KCNQ4: variants seen among roughly 807,000 people sequenced by gnomAD.
The protein encoded by KCNQ4 is potassium voltage-gated channel subfamily Q member 4.
A neutral mutation model predicts 72.6 loss-of-function variants in KCNQ4; 31 were observed. The ratio of observed to expected loss-of-function variants is 0.43; its 90% CI spans 0.32 to 0.58. The LOEUF (loss-of-function observed/expected upper bound fraction) is 0.58, where lower values mean the gene tolerates loss of function less well. KCNQ4 is among the 20% of genes least tolerant of loss of function. The pLI is 0.08. For missense variants in KCNQ4, 869 were observed against 962.6 expected, an observed-to-expected ratio of 0.90 and a Z score of 1.29; for synonymous variants, 405 against 403.7, an observed-to-expected ratio of 1.00 and a Z score of -0.04.
At chr1:40,789,171 G>A (rs1009094771) in intron 1 of KCNQ4, among the ~76,000 whole-genome samples, 3 of 152,136 alleles carry the variant, frequency 2.0e-5, no homozygotes, top group African/African-American at 2.4e-5. Context: ...GGCTGGCCTC[G>A]TAGAACTTCG....
intron 9 of KCNQ4, among the ~76,000 whole-genome samples, chr1:40,829,548 C>T (rs1570845071): frequency 6.6e-6 from 1 of 152,164 alleles, no homozygotes; most frequent in East Asian, 1.9e-4. Context: ...TCCCTCACTT[C>T]AGCACCTTGG....
intron 9 of KCNQ4, among the ~76,000 whole-genome samples, chr1:40,829,951 G>A (rs2148328768): frequency 6.6e-6 from 1 of 152,334 alleles, no homozygotes; most frequent in Admixed American, 6.5e-5. Context: ...GGTTAACCAG[G>A]GCTTGTCCTG....
intron 9 of KCNQ4, among the ~76,000 whole-genome samples, chr1:40,829,391 G>A (rs573914755): frequency 1.3e-5 from 2 of 152,250 alleles, no homozygotes; most frequent in South Asian, 4.1e-4. Flanking sequence ...TGGATAGTGG[G>A]AACTGGGAAC....
intron 9 of KCNQ4, among the ~76,000 whole-genome samples, chr1:40,830,208 A>G (rs551281030): frequency 1.3e-5 from 2 of 152,266 alleles, no homozygotes; most frequent in Admixed American, 1.3e-4. Flanking sequence ...GGTAGGAGAG[A>G]CCACAGAAGA....
chr1:40,818,864 A>T, intron 4 of KCNQ4, 184 bp downstream of exon 4: 1 of 634,732 alleles, frequency 1.6e-6, no homozygotes, highest in Non-Finnish European at 2.8e-6. Context: ...ATTCTGAATT[A>T]GGTAGGGGCG....
intron 1 of KCNQ4, among the ~76,000 whole-genome samples, chr1:40,786,461 C>T (rs547366378): frequency 5.9e-5 from 9 of 152,310 alleles, no homozygotes; most frequent in Admixed American, 1.3e-4. Context: ...GAAATGCCCT[C>T]GCCAGGGCCG....
chr1:40,824,007 G>T (rs1177221138), intron 8 of KCNQ4, 90 bp from the exon 9 acceptor site: 1 of 1,453,320 alleles, frequency 6.9e-7, no homozygotes, highest in African/African-American at 1.4e-5. Context: ...GCAGGACCTG[G>T]CAAGATCTGA....
intron 9 of KCNQ4, among the ~76,000 whole-genome samples, chr1:40,825,886 C>T (rs928256196): frequency 1.1e-4 from 17 of 152,156 alleles, no homozygotes; most frequent in African/African-American, 3.9e-4. Context: ...TGGTCCCTGA[C>T]ACCCCCAGGG....
Position 40,824,160 on chromosome 1 carries a change from G to A in KCNQ4, c.1194G>A (p.Glu398=), listed in dbSNP as rs1648400485. ...RARNGGLRPL[E]VRRAPVPDGA... ...GCAATGGGGGCCTACGGCCCCTGGA[G>A]GTGCGGCGGGCGCCGGTACCCGACG... Residue 398 remains glutamate (E), a synonymous_variant, in exon 9 of 14, where the codon GAG becomes GAA. Transcript: ENST00000347132. 6.4e-7 allele frequency: 1 copy of A among 1,551,650 alleles called. No homozygotes were observed. The highest frequency in any genetic ancestry group is 1.2e-5 in the South Asian group (1 of 84,342).
intron 1 of KCNQ4, among the ~76,000 whole-genome samples, chr1:40,786,814 T>C (rs573069376): frequency 2.6e-5 from 4 of 152,252 alleles, no homozygotes; most frequent in Admixed American, 6.5e-5. Context: ...GTTGTTATTA[T>C]TGGGGCTGGA....
At chr1:40,805,582 C>T (rs939327835) in intron 1 of KCNQ4, among the ~76,000 whole-genome samples, 3 of 152,096 alleles carry the variant, frequency 2.0e-5, no homozygotes, top group Non-Finnish European at 2.9e-5. Flanking sequence ...GGGGCTCTGA[C>T]CTAAGCCTGC....
rs137876864 is a variant in KCNQ4 at position 40,823,150 on chromosome 1, G to A, written c.1130+748G>A. 4.5e-3 allele frequency among the ~76,000 whole-genome samples: 690 copies of A among 152,356 alleles called. 7 individuals carry two copies. Among genetic ancestry groups the A allele is most frequent in the African/African-American group, 0.016 (658 of 41,578 alleles). On this transcript the variant is annotated intron_variant, in intron 8 of 13. Transcript: ENST00000347132. ...CCTCATTAGTTCTCCAGGAGAAGCT[G>A]TTGCGCGATTCCACTCGCCTCTGCA...
chr1:40,810,979 C>G (rs1229375738), intron 1 of KCNQ4, among the ~76,000 whole-genome samples: 1 of 152,186 alleles, frequency 6.6e-6, no homozygotes, highest in African/African-American at 2.4e-5. Flanking sequence ...AATTCACATA[C>G]AGTAAAATTC....
At chr1:40,785,753 G>T (rs1294130798) in intron 1 of KCNQ4, among the ~76,000 whole-genome samples, 3 of 151,950 alleles carry the variant, frequency 2.0e-5, no homozygotes, top group Admixed American at 1.3e-4. Flanking sequence ...TGTTTCTCGG[G>T]TGCTTGCTGG....
Position 40,811,408 on chromosome 1 carries a change from G to A in KCNQ4, c.315-5857G>A, listed in dbSNP as rs553644565. 1.4e-4 allele frequency among the ~76,000 whole-genome samples: 21 copies of A among 152,256 alleles called. No homozygotes were observed. The South Asian group carries it at 4.4e-3, about 32-fold the overall frequency. On this transcript the variant is annotated intron_variant, in intron 1 of 13. Coordinates refer to ENST00000347132, the MANE Select transcript of KCNQ4 (RefSeq NM_004700.4). Reference sequence around the variant, plus strand: ...CTAAGCCAGTGATTCTCAAAGTGTGGTCCCCATAACAGCAGCAATAGTATC... The same window carrying A: ...CTAAGCCAGTGATTCTCAAAGTGTGATCCCCATAACAGCAGCAATAGTATC...
chr1:40,786,287 G>A (rs1420021489), intron 1 of KCNQ4, among the ~76,000 whole-genome samples: 1 of 152,218 alleles, frequency 6.6e-6, no homozygotes, highest in Non-Finnish European at 1.5e-5. Context: ...TACCCCCCCA[G>A]GCTTGGCCTT....
At chr1:40,798,231 C>T (rs1647471095) in intron 1 of KCNQ4, among the ~76,000 whole-genome samples, 1 of 152,106 alleles carries the variant, frequency 6.6e-6, no homozygotes, top group African/African-American at 2.4e-5. Context: ...AGGCTCAGTC[C>T]AAGCATCTTA....
chr1:40,820,693 C>A (rs1648262309), intron 7 of KCNQ4, among the ~76,000 whole-genome samples: 1 of 152,184 alleles, frequency 6.6e-6, no homozygotes, highest in Non-Finnish European at 1.5e-5. Flanking sequence ...ATGGTGCAGA[C>A]AGGGCTTTTA....
At chr1:40,832,342 A>G (rs1310209382) in intron 10 of KCNQ4, among the ~76,000 whole-genome samples, 1 of 152,064 alleles carries the variant, frequency 6.6e-6, no homozygotes, top group Non-Finnish European at 1.5e-5. Context: ...CTCAGAGTTT[A>G]CAGAACCCCA....
Sources: allele counts gnomAD v4.1 joint callset (sites outside exome capture counted in the v4.1 genomes callset), GRCh38; gene constraint gnomAD v4.1.1; transcripts MANE v1.5; gene names NCBI Gene and HGNC (gene_info 2026-07-23, HGNC 2026-07-21).